The following KCNB2 variants were observed in gnomAD, a reference collection of about 807,000 sequenced individuals.
The protein encoded by KCNB2 is potassium voltage-gated channel subfamily B member 2.
In KCNB2, 15 loss-of-function variants were observed where a neutral mutation model predicts 61.5. That is an observed-to-expected ratio of 0.24 (90% confidence interval 0.16 to 0.38). The LOEUF (loss-of-function observed/expected upper bound fraction) is 0.38, where lower values mean the gene tolerates loss of function less well. KCNB2 is among the 10% of genes least tolerant of loss of function. The probability of loss-of-function intolerance (pLI) is 1.00; values close to 1 mark genes in which losing one functional copy is unlikely to be tolerated. For synonymous variants in KCNB2, 457 were observed against 446.0 expected (o/e 1.02, Z -0.31); for missense variants, 828 against 1,125.2 (o/e 0.74, Z 3.78).
chr8:72,790,661 T>C (rs16919307), intron 2 of KCNB2, among the ~76,000 whole-genome samples: 4,382 of 152,230 alleles, frequency 0.029, 147 homozygotes, highest in African/African-American at 0.077. Context: ...TGGTTTTTTT[T>C]CTCCTACTAC....
At chr8:72,561,765 A>ATGTG (rs1563523578) in intron 1 of KCNB2, among the ~76,000 whole-genome samples, 7 of 28,400 alleles carry the variant, frequency 2.5e-4, no homozygotes, top group South Asian at 8.1e-4. Flanking sequence ...ATATATGGAT[A>ATGTG]TATATATATA....
chr8:72,761,235 G>T (rs1808374400), intron 2 of KCNB2, among the ~76,000 whole-genome samples: 1 of 152,164 alleles, frequency 6.6e-6, no homozygotes, highest in South Asian at 2.1e-4. Context: ...CATCCTGGGG[G>T]CCCTGCATTG....
intron 2 of KCNB2, among the ~76,000 whole-genome samples, chr8:72,873,984 C>T (rs1805661179): frequency 6.6e-6 from 1 of 152,236 alleles, no homozygotes; most frequent in African/African-American, 2.4e-5. Context: ...GTGTCATTTA[C>T]AGTTTTGACA....
intron 2 of KCNB2, among the ~76,000 whole-genome samples, chr8:72,721,059 G>T (rs752886090): frequency 1.3e-5 from 2 of 152,282 alleles, no homozygotes; most frequent in Admixed American, 1.3e-4. Flanking sequence ...AATTCACAAA[G>T]AACTCCAAAT....
chr8:72,860,036 C>T (rs1810274930), intron 2 of KCNB2, among the ~76,000 whole-genome samples: 1 of 152,054 alleles, frequency 6.6e-6, no homozygotes, highest in African/African-American at 2.4e-5. Flanking sequence ...CTTTTTATTG[C>T]AAGCAATATG....
chr8:72,666,209 C>T (rs886548252), intron 2 of KCNB2, among the ~76,000 whole-genome samples: 1 of 152,160 alleles, frequency 6.6e-6, no homozygotes, highest in African/African-American at 2.4e-5. Context: ...CAATGAGATT[C>T]TTTATGCAGA....
At chr8:72,736,498 C>G (rs1585861861) in intron 2 of KCNB2, among the ~76,000 whole-genome samples, 2 of 152,110 alleles carry the variant, frequency 1.3e-5, no homozygotes, top group African/African-American at 4.8e-5. Context: ...GAATCCATGA[C>G]AAGTGTTAAT....
In KCNB2 at chr8:72,720,512, G is replaced by A. The variant is rs139720362; in HGVS notation, c.579+152199G>A. On this transcript the variant is annotated intron_variant, in intron 2 of 2. Coordinates refer to ENST00000523207, the MANE Select transcript of KCNB2 (RefSeq NM_004770.3). ...TTTATCTCCTTGCAAAACTTTTCCC[G>A]ACTCTCCACACTCTTCCCATCATAT... Among the ~76,000 whole-genome samples, 785 of 151,718 alleles carry A rather than the reference G, an allele frequency of 5.2e-3. 9 individuals carry two copies. The highest frequency in any genetic ancestry group is 0.037 in the Middle Eastern group (11 of 294).
chr8:72,675,480 TG>T (rs1265529502), intron 2 of KCNB2, among the ~76,000 whole-genome samples: 1 of 151,830 alleles, frequency 6.6e-6, no homozygotes, highest in East Asian at 1.9e-4. Flanking sequence ...CTGACATTAA[TG>T]GGAGGCTTGT....
intron 2 of KCNB2, among the ~76,000 whole-genome samples, chr8:72,749,681 A>G (rs1428718493): frequency 6.7e-6 from 1 of 149,032 alleles, no homozygotes; most frequent in African/African-American, 2.4e-5. Flanking sequence ...AGATTTTTTT[A>G]CTATGTAATA....
chr8:72,805,014 T>C (rs1363678344), intron 2 of KCNB2, among the ~76,000 whole-genome samples: 2 of 152,182 alleles, frequency 1.3e-5, no homozygotes, highest in Non-Finnish European at 2.9e-5. Flanking sequence ...ACTCTTCCGC[T>C]GGGCACTGGG....
At chr8:72,709,563 G>A (rs1045444777) in intron 2 of KCNB2, among the ~76,000 whole-genome samples, 1 of 151,800 alleles carries the variant, frequency 6.6e-6, no homozygotes, top group Non-Finnish European at 1.5e-5. Context: ...AAGAGAGTGA[G>A]AAAATGAGAG....
intron 2 of KCNB2, among the ~76,000 whole-genome samples, chr8:72,577,060 A>G (rs1398732852): frequency 7.9e-5 from 12 of 152,222 alleles, no homozygotes; most frequent in Admixed American, 7.2e-4. Flanking sequence ...TCTAGGTTTA[A>G]GTTAACTCCT....
chr8:72,620,913 T>TAC (rs1417605733), intron 2 of KCNB2, among the ~76,000 whole-genome samples: 2 of 152,196 alleles, frequency 1.3e-5, no homozygotes, highest in African/African-American at 2.4e-5. Context: ...TGGCCAGTAC[T>TAC]ACGTTTTAGA....
chr8:72,730,268 G>A (rs562969767), intron 2 of KCNB2, among the ~76,000 whole-genome samples: 5 of 152,258 alleles, frequency 3.3e-5, no homozygotes, highest in Admixed American at 1.3e-4. Context: ...CTCCCCTTGC[G>A]ACTTTTCTTT....
chr8:72,626,396 T>G (rs943832553), intron 2 of KCNB2, among the ~76,000 whole-genome samples: 1 of 152,208 alleles, frequency 6.6e-6, no homozygotes, highest in African/African-American at 2.4e-5. Context: ...GAAATTAATA[T>G]GTAATCAATC....
chr8:72,836,620 C>T (rs4342651), intron 2 of KCNB2, among the ~76,000 whole-genome samples: 129,632 of 152,022 alleles, frequency 0.85, 56,236 homozygotes, highest in Middle Eastern at 0.97. Context: ...ACCCAAAACA[C>T]TGTCAAGAGG....
At chr8:72,563,352 A>T (rs1806566299) in intron 1 of KCNB2, among the ~76,000 whole-genome samples, 1 of 152,144 alleles carries the variant, frequency 6.6e-6, no homozygotes, top group African/African-American at 2.4e-5. Flanking sequence ...ATTGAGGGCA[A>T]TGTGGAACTG....
chr8:72,886,832 A>G (rs950393504), intron 2 of KCNB2, among the ~76,000 whole-genome samples: 3 of 152,226 alleles, frequency 2.0e-5, no homozygotes, highest in African/African-American at 7.2e-5. Flanking sequence ...ATATTAATCA[A>G]TAGCTATCCA....
Sources: allele counts gnomAD v4.1 joint callset (sites outside exome capture counted in the v4.1 genomes callset), GRCh38; gene constraint gnomAD v4.1.1; transcripts MANE v1.5; gene names NCBI Gene and HGNC (gene_info 2026-07-23, HGNC 2026-07-21).